PDGFD: variants seen among roughly 807,000 people sequenced by gnomAD.
PDGFD encodes platelet derived growth factor D, also known as platelet-derived growth factor D.
Under a neutral mutation model 44.7 loss-of-function variants are expected in PDGFD, and 30 were observed. The observed-to-expected ratio is 0.67, with a 90% confidence interval of 0.50 to 0.91. The LOEUF (loss-of-function observed/expected upper bound fraction) is 0.91. Among genes scored for constraint, PDGFD ranks in the 40% least tolerant of loss-of-function variants. The probability of loss-of-function intolerance (pLI) is 0.00; values close to 1 mark genes in which losing one functional copy is unlikely to be tolerated. For missense variants in PDGFD, 445 were observed against 457.8 expected (o/e 0.97, Z 0.25); for synonymous variants, 173 against 168.4 (o/e 1.03, Z -0.21).
chr11:104,076,627 G>A (rs1339196636), intron 1 of PDGFD, among the ~76,000 whole-genome samples: 1 of 152,072 alleles, frequency 6.6e-6, no homozygotes, highest in Non-Finnish European at 1.5e-5. Flanking sequence ...AATCCAAGGA[G>A]GCTCACATCC....
intron 4 of PDGFD, among the ~76,000 whole-genome samples, chr11:103,944,462 A>G (rs1858640396): frequency 6.6e-6 from 1 of 152,172 alleles, no homozygotes; most frequent in African/African-American, 2.4e-5. Flanking sequence ...CCATGATTCA[A>G]ACATCTCTGT....
At chr11:104,143,156 G>C (rs949926056) in intron 1 of PDGFD, among the ~76,000 whole-genome samples, 16 of 152,168 alleles carry the variant, frequency 1.1e-4, no homozygotes, top group Non-Finnish European at 2.9e-5. Flanking sequence ...GATCTTAAAA[G>C]GTCTGCTGTG....
intron 5 of PDGFD, among the ~76,000 whole-genome samples, chr11:103,942,710 C>T (rs1372831930): frequency 2.0e-5 from 3 of 152,134 alleles, no homozygotes; most frequent in African/African-American, 7.2e-5. Context: ...TAACAGGGTT[C>T]TCTCCTGCCA....
At chr11:103,915,335 C>T in intron 6 of PDGFD, among the ~76,000 whole-genome samples, 1 of 152,146 alleles carries the variant, frequency 6.6e-6, no homozygotes. Context: ...CATGAGTGAA[C>T]TCTCATTCAC....
chr11:104,028,628 A>G (rs928327563), intron 1 of PDGFD, among the ~76,000 whole-genome samples: 1 of 150,436 alleles, frequency 6.6e-6, no homozygotes. Flanking sequence ...TTTACAAGTT[A>G]TCCTTGGAAC....
At chr11:103,976,657 C>T (rs994592551) in intron 3 of PDGFD, among the ~76,000 whole-genome samples, 5 of 151,996 alleles carry the variant, frequency 3.3e-5, no homozygotes, top group Admixed American at 2.6e-4. Context: ...ACGATATTGG[C>T]TATGGGTTTC....
At chr11:104,012,649 A>G (rs1859800519) in intron 1 of PDGFD, among the ~76,000 whole-genome samples, 1 of 152,174 alleles carries the variant, frequency 6.6e-6, no homozygotes, top group Admixed American at 6.5e-5. Flanking sequence ...ACTCCAGTGG[A>G]GTAGCATTAG....
At chr11:104,140,310 AAAATT>A (rs1047811674) in intron 1 of PDGFD, among the ~76,000 whole-genome samples, 8 of 152,202 alleles carry the variant, frequency 5.3e-5, no homozygotes, top group African/African-American at 1.9e-4. Context: ...TAATTAAAGA[AAAATT>A]ACTTTAGCAC....
Position 103,908,166 on chromosome 11 carries a change from A to T in PDGFD, c.*1528T>A, listed in dbSNP as rs1042028097. The T allele has an allele frequency of 1.3e-5, 2 of 152,208 alleles. No homozygotes were observed. Among genetic ancestry groups the T allele is most frequent in the African/African-American group, 4.8e-5 (2 of 41,458 alleles). The allele number at this position is 152,208 out of a possible 1,614,324, so 9.4% of individuals were successfully genotyped here. A position where few individuals can be genotyped will look rare whatever the true frequency, so the allele number is the denominator to read the frequency against. On this transcript the variant is annotated 3_prime_UTR_variant, in exon 7 of 7. Transcript: ENST00000393158. ...CTTTCCTTTTAACTTTCAAGGCAAT[A>T]AGAAAAATGTAGTTCTCTGTTAGCA...
At chr11:104,021,230 T>C (rs1859946474) in intron 1 of PDGFD, among the ~76,000 whole-genome samples, 1 of 152,168 alleles carries the variant, frequency 6.6e-6, no homozygotes, top group Admixed American at 6.5e-5. Context: ...TAACTAGTCT[T>C]ATTAGTCAGA....
chr11:103,977,839 A>T (rs1163245247), intron 3 of PDGFD, among the ~76,000 whole-genome samples: 1 of 152,076 alleles, frequency 6.6e-6, no homozygotes, highest in African/African-American at 2.4e-5. Flanking sequence ...TTTCTTTAGA[A>T]ATATGGTTGC....
In PDGFD at chr11:103,909,593, G is replaced by A. The variant is rs1857996142; in HGVS notation, c.*101C>T. 1 of 1,437,480 alleles carries A rather than the reference G, an allele frequency of 7.0e-7. No homozygotes were observed. Among genetic ancestry groups the A allele is most frequent in the Non-Finnish European group, 9.7e-7 (1 of 1,035,702 alleles). 89.0% of individuals were successfully genotyped at this position (1,437,480 alleles called of 1,614,324 possible). The stretch of plus-strand genomic sequence containing the variant: ...ACCACTTGTGTTCATTGCATTGCAG[G>A]CTAGTAGTAAGTTTGGTTGCTGGTA... On this transcript the variant is annotated 3_prime_UTR_variant, in exon 7 of 7. Transcript: ENST00000393158.
At chr11:103,952,721 T>C (rs1483047609) in intron 3 of PDGFD, among the ~76,000 whole-genome samples, 1 of 152,316 alleles carries the variant, frequency 6.6e-6, no homozygotes, top group East Asian at 1.9e-4. Context: ...CATTGTATAA[T>C]TATAAACATC....
At chr11:104,012,897 T>C (rs1237021997) in intron 1 of PDGFD, among the ~76,000 whole-genome samples, 2 of 152,196 alleles carry the variant, frequency 1.3e-5, no homozygotes, top group Non-Finnish European at 2.9e-5. Flanking sequence ...AGGGAAATAC[T>C]GGGTAGAAGA....
chr11:104,031,675 T>C (rs1256590196), intron 1 of PDGFD, among the ~76,000 whole-genome samples: 1 of 152,218 alleles, frequency 6.6e-6, no homozygotes, highest in Non-Finnish European at 1.5e-5. Flanking sequence ...ATCATTCTAT[T>C]ATAAAGATAT....
At position 103,908,214 on chromosome 11, in the gene PDGFD, G is replaced by A. The variant is rs531175674; in HGVS notation, c.*1480C>T. 1.3e-5 allele frequency: 2 copies of A among 152,238 alleles called. No homozygotes were observed. The highest frequency in any genetic ancestry group is 2.4e-5 in the African/African-American group (1 of 41,544). 9.4% of individuals were successfully genotyped at this position (152,238 alleles called of 1,614,324 possible). A position where few individuals can be genotyped will look rare whatever the true frequency, so the allele number is the denominator to read the frequency against. On this transcript the variant is annotated 3_prime_UTR_variant, in exon 7 of 7. Coordinates refer to ENST00000393158, the MANE Select transcript of PDGFD (RefSeq NM_025208.5). The stretch of plus-strand genomic sequence containing the variant: ...GCAGTCCCTGAGCTATCTGAATTTC[G>A]GTGTTTCTCTCTTAAGCCTCTTGCT...
intron 1 of PDGFD, among the ~76,000 whole-genome samples, chr11:104,135,399 GGA>G (rs1464177228): frequency 3.3e-5 from 5 of 152,276 alleles, no homozygotes; most frequent in Admixed American, 2.6e-4. Flanking sequence ...TGTGTGGCAG[GGA>G]GAAGAGAGTA....
chr11:103,943,765 C>T (rs781433521), intron 4 of PDGFD, 115 bp from the exon 5 acceptor site: 37 of 772,236 alleles, frequency 4.8e-5, no homozygotes, highest in African/African-American at 1.0e-4. Context: ...AGACATCATA[C>T]GTTTGAATGC....
rs1328951345 is a variant in PDGFD at position 104,037,811 on chromosome 11, T to C, written c.125-37556A>G. On this transcript the variant is annotated intron_variant, in intron 1 of 6. Transcript: ENST00000393158. ...GAGGATCAACCCATGGATATGCTTC[T>C]AGGCCTAGATATGCTCCGGAGACAT... 6 of 1,614,076 alleles carry C rather than the reference T, an allele frequency of 3.7e-6. No homozygotes were observed. The African/African-American group carries it at 4.0e-5, about 11-fold the overall frequency.
Sources: gnomAD v4.1 joint callset for allele counts (sites outside exome capture counted in the v4.1 genomes callset) on GRCh38, gnomAD v4.1.1 for gene constraint, MANE v1.5 for transcripts, NCBI Gene and HGNC (gene_info 2026-07-23, HGNC 2026-07-21) for gene names.